Variants in ATR observed in about 807,000 individuals in gnomAD.
The protein encoded by ATR is serine/threonine-protein kinase ATR.
Under a neutral mutation model 305.3 loss-of-function variants are expected in ATR, and 142 were observed. That is an observed-to-expected ratio of 0.47 (90% CI 0.41 to 0.53). The LOEUF is 0.53. ATR is among the 20% of genes least tolerant of loss of function. The pLI, the probability that ATR is intolerant of heterozygous loss-of-function variation, is 0.00. For missense variants in ATR, 2,135 were observed against 3,133.1 expected (o/e 0.68, Z 7.60); for synonymous variants, 1,050 against 1,068.1 (o/e 0.98, Z 0.33).
chr3:142,512,222 A>AC (rs1390502194), intron 27 of ATR, 38 bp downstream of exon 27: 4 of 690,086 alleles, frequency 5.8e-6, no homozygotes, highest in Non-Finnish European at 6.0e-6. Flanking sequence ...TGAATAGCTA[A>AC]AAAAAAAAAA....
intron 36 of ATR, among the ~76,000 whole-genome samples, chr3:142,484,824 G>GA: frequency 6.6e-6 from 1 of 152,090 alleles, no homozygotes; most frequent in East Asian, 1.9e-4. Context: ...GGTGTATGGG[G>GA]AAAAAAACCC....
chr3:142,528,194 T>C (rs866294191), intron 21 of ATR, among the ~76,000 whole-genome samples: 3 of 152,260 alleles, frequency 2.0e-5, no homozygotes, highest in Middle Eastern at 3.2e-3. Flanking sequence ...AGTATGCTTC[T>C]ATTATCAAGG....
At chr3:142,486,976 A>AC (rs1402351381) in intron 35 of ATR, among the ~76,000 whole-genome samples, 2 of 149,612 alleles carry the variant, frequency 1.3e-5, no homozygotes, top group Non-Finnish European at 3.0e-5. Context: ...AAAAAAAAAA[A>AC]AAAAACAATT....
In ATR at chr3:142,513,736, T is replaced by C. The variant is rs1237235819; in HGVS notation, c.4504-98A>G. 3.2e-6 allele frequency: 4 copies of C among 1,241,734 alleles called. No homozygotes were observed. The African/African-American group carries it at 6.1e-5, about 19-fold the overall frequency. The allele number at this position is 1,241,734 out of a possible 1,614,324, so 76.9% of individuals were successfully genotyped here. A position where few individuals can be genotyped will look rare whatever the true frequency, so the allele number is the denominator to read the frequency against. On this transcript the variant is annotated intron_variant, in intron 25 of 46. Coordinates refer to ENST00000350721, the MANE Select transcript of ATR (RefSeq NM_001184.4). ...ATAATTTATCACAAACGAGTATTCA[T>C]TTTTAAATTTAAAAAGTTTTTTAAT...
chr3:142,473,955 T>C (rs941523234), intron 36 of ATR, among the ~76,000 whole-genome samples: 7 of 150,638 alleles, frequency 4.6e-5, no homozygotes, highest in African/African-American at 1.7e-4. Flanking sequence ...TTTTTTTTTT[T>C]TTTTTGAGAC....
At chr3:142,555,727 T>A (rs1357352490) in intron 10 of ATR, 150 bp downstream of exon 10, 1 of 980,578 alleles carries the variant, frequency 1.0e-6, no homozygotes, top group East Asian at 2.6e-5. Flanking sequence ...ATACCAGTTA[T>A]CCCATTTATA....
At chr3:142,491,806 T>G (rs1240782107) in intron 35 of ATR, among the ~76,000 whole-genome samples, 1 of 152,216 alleles carries the variant, frequency 6.6e-6, no homozygotes, top group African/African-American at 2.4e-5. Flanking sequence ...TTGGTCCCAT[T>G]TAGGTCTTTC....
At chr3:142,559,976 T>A (rs1036868977) in intron 6 of ATR, among the ~76,000 whole-genome samples, 3 of 152,180 alleles carry the variant, frequency 2.0e-5, no homozygotes, top group African/African-American at 7.2e-5. Flanking sequence ...GAAAGTCAGT[T>A]TTGGCTTCAG....
At chr3:142,513,783 T>TG in intron 25 of ATR, 145 bp from the exon 26 acceptor site, 1 of 943,252 alleles carries the variant, frequency 1.1e-6, no homozygotes, top group South Asian at 2.1e-5. Flanking sequence ...TTAAATTATT[T>TG]GGGGTTAAAG....
At position 142,523,674 on chromosome 3, in the gene ATR, A is replaced by C. The variant is rs1466027229; in HGVS notation, c.4152+319T>G. Among the ~76,000 whole-genome samples, 4 of 152,188 alleles carry C rather than the reference A, an allele frequency of 2.6e-5. No individual in the cohort carries two copies. In the East Asian group the frequency reaches 7.7e-4, roughly 29 times the overall value. On this transcript the variant is annotated intron_variant, in intron 22 of 46. Coordinates refer to ENST00000350721, the MANE Select transcript of ATR (RefSeq NM_001184.4). ...AAACATTACTACTGTAATATCCTGG[A>C]AACTAGTTATCCATGGAAACACTAG...
intron 28 of ATR, among the ~76,000 whole-genome samples, chr3:142,507,526 C>T (rs1241403084): frequency 1.3e-5 from 2 of 152,208 alleles, no homozygotes; most frequent in Non-Finnish European, 2.9e-5. Flanking sequence ...AAAAAGTCTT[C>T]TATTATTTGT....
At chr3:142,576,295 GAT>G (rs1388602886) in intron 1 of ATR, among the ~76,000 whole-genome samples, 1 of 152,178 alleles carries the variant, frequency 6.6e-6, no homozygotes, top group East Asian at 1.9e-4. Context: ...TTCTGCTTTG[GAT>G]ATGTTAATTT....
intron 11 of ATR, 39 bp downstream of exon 11, chr3:142,553,786 T>C (rs1455518062): frequency 6.2e-7 from 1 of 1,610,174 alleles, no homozygotes; most frequent in East Asian, 2.2e-5. Flanking sequence ...TAGAGCTAGG[T>C]TGACGTAAAC....
intron 34 of ATR, 79 bp downstream of exon 34, chr3:142,496,278 CTATA>C (rs6148111): frequency 6.1e-5 from 7 of 115,116 alleles, no homozygotes; most frequent in Admixed American, 1.4e-4. Context: ...TAATTCCCGA[CTATA>C]TATATATATA....
chr3:142,470,332 T>A, intron 36 of ATR, 149 bp from the exon 37 acceptor site: 1 of 685,232 alleles, frequency 1.5e-6, no homozygotes. Context: ...TTGACTCCTC[T>A]GTCTCCTTTT....
At chr3:142,577,267 A>T (rs1047280507) in intron 1 of ATR, among the ~76,000 whole-genome samples, 1 of 152,228 alleles carries the variant, frequency 6.6e-6, no homozygotes, top group African/African-American at 2.4e-5. Flanking sequence ...ATAATCCAAG[A>T]ACCAATTATT....
chr3:142,465,307 A>G, intron 40 of ATR, 67 bp from the exon 41 acceptor site: 1 of 1,284,006 alleles, frequency 7.8e-7, no homozygotes, highest in Non-Finnish European at 1.1e-6. Flanking sequence ...ATATATTATA[A>G]ACCTTGAGTT....
At chr3:142,461,809 G>A in intron 42 of ATR, 131 bp downstream of exon 42, 1 of 960,586 alleles carries the variant, frequency 1.0e-6, no homozygotes, top group Non-Finnish European at 1.6e-6. Context: ...AAGTGTTTCT[G>A]TATATAAAAT....
At chr3:142,452,643 C>T in intron 46 of ATR, 1 of 970,390 alleles carries the variant, frequency 1.0e-6, no homozygotes, top group Non-Finnish European at 1.2e-6. Context: ...CACTGTACTC[C>T]AGCCTGGATG....
Sources: allele counts gnomAD v4.1 joint callset (sites outside exome capture counted in the v4.1 genomes callset), GRCh38; gene constraint gnomAD v4.1.1; transcripts MANE v1.5; gene names NCBI Gene and HGNC (gene_info 2026-07-23, HGNC 2026-07-21).